The following KIAA1328 variants were observed in gnomAD, a reference collection of about 807,000 sequenced individuals.
KIAA1328 encodes the protein protein hinderin.
A neutral mutation model predicts 68.1 loss-of-function variants in KIAA1328; 52 were observed. That is an observed-to-expected ratio of 0.76 (90% confidence interval 0.61 to 0.96). The LOEUF is 0.96. KIAA1328 is among the 40% of genes least tolerant of loss of function. KIAA1328 has a pLI of 0.00. For synonymous variants in KIAA1328, 232 were observed against 239.4 expected, an observed-to-expected ratio of 0.97 and a Z score of 0.28; for missense variants, 641 against 677.6, an observed-to-expected ratio of 0.95 and a Z score of 0.60.
intron 4 of KIAA1328, among the ~76,000 whole-genome samples, chr18:36,854,518 T>C (rs2047321304): frequency 1.3e-5 from 2 of 152,228 alleles, no homozygotes; most frequent in Middle Eastern, 3.2e-3. Flanking sequence ...CTGTGAGTTA[T>C]TGTTTAATAT....
In KIAA1328 at chr18:36,871,675, C is replaced by T. The variant is rs142145162; in HGVS notation, c.333-13882C>T. 4.9e-3 allele frequency among the ~76,000 whole-genome samples: 743 copies of T among 151,926 alleles called. 7 individuals carry two copies. Among genetic ancestry groups the T allele is most frequent in the Non-Finnish European group, 8.9e-3 (605 of 67,976 alleles). ...GTAAAGAACATTGCTGCCAGTATTA[C>T]AATTTAAAAAGAAGGTGGAAGAGAC... On this transcript the variant is annotated intron_variant, in intron 4 of 9. Coordinates refer to ENST00000280020, the MANE Select transcript of KIAA1328 (RefSeq NM_020776.3).
chr18:37,092,533 A>C (rs1410443163), intron 7 of KIAA1328, among the ~76,000 whole-genome samples: 2 of 151,946 alleles, frequency 1.3e-5, no homozygotes, highest in Non-Finnish European at 2.9e-5. Context: ...CCTTGTGGGC[A>C]CCTGAGGATA....
intron 6 of KIAA1328, among the ~76,000 whole-genome samples, chr18:36,999,614 T>C (rs1023433084): frequency 2.0e-5 from 3 of 152,178 alleles, no homozygotes. Context: ...TGGGATGATA[T>C]ATTCCAAGGG....
chr18:36,884,642 A>G (rs2048437370), intron 4 of KIAA1328, among the ~76,000 whole-genome samples: 1 of 152,172 alleles, frequency 6.6e-6, no homozygotes, highest in Non-Finnish European at 1.5e-5. Flanking sequence ...CTCAAAGAAA[A>G]GGTTTAGATT....
intron 1 of KIAA1328, chr18:36,832,904 T>G (rs1389955697): frequency 6.6e-6 from 1 of 150,994 alleles, no homozygotes; most frequent in African/African-American, 2.4e-5. Flanking sequence ...TGGTGCCATC[T>G]CAGCTCACTG....
chr18:36,908,960 G>A (rs970488150), intron 5 of KIAA1328, among the ~76,000 whole-genome samples: 8 of 152,058 alleles, frequency 5.3e-5, no homozygotes, highest in Non-Finnish European at 1.5e-5. Flanking sequence ...GGCTTACTTA[G>A]TAGTGCCAGA....
chr18:36,844,331 T>G (rs1226804655), intron 4 of KIAA1328, 29 bp downstream of exon 4: 1 of 1,420,354 alleles, frequency 7.0e-7, no homozygotes. Context: ...TGAAATGATT[T>G]ATTATACAAA....
In KIAA1328 at chr18:37,223,276, C is replaced by A; in HGVS notation, c.*1049C>A. ...CTCTACTTGCCAGAGTATGTTCCAC[C>A]ACCCAAGCAGGGTCTCCCTACTTTT... On this transcript the variant is annotated 3_prime_UTR_variant, in exon 10 of 10. Transcript: ENST00000280020. 2 of 985,394 alleles carry A rather than the reference C, an allele frequency of 2.0e-6. No individual in the cohort carries two copies. The highest frequency in any genetic ancestry group is 2.4e-6 in the Non-Finnish European group (2 of 830,022). 61.0% of individuals were successfully genotyped at this position (985,394 alleles called of 1,614,324 possible). A position where few individuals can be genotyped will look rare whatever the true frequency, so the allele number is the denominator to read the frequency against.
At chr18:37,048,125 G>T (rs2055549272) in intron 6 of KIAA1328, among the ~76,000 whole-genome samples, 1 of 151,880 alleles carries the variant, frequency 6.6e-6, no homozygotes, top group Admixed American at 6.6e-5. Flanking sequence ...TTTCCCATTT[G>T]GTACTAGAGC....
intron 8 of KIAA1328, among the ~76,000 whole-genome samples, chr18:37,167,955 A>G (rs1305763697): frequency 6.6e-6 from 1 of 151,972 alleles, no homozygotes; most frequent in Non-Finnish European, 1.5e-5. Flanking sequence ...ATGAGTATGG[A>G]TGAAAATATA....
chr18:37,200,780 C>T (rs1003466792), intron 9 of KIAA1328, among the ~76,000 whole-genome samples: 4 of 149,044 alleles, frequency 2.7e-5, no homozygotes, highest in South Asian at 4.3e-4. Flanking sequence ...CACTGCAGTC[C>T]GCAGTCCGGC....
chr18:36,980,617 A>C (rs1417326048), intron 6 of KIAA1328, among the ~76,000 whole-genome samples: 1 of 152,120 alleles, frequency 6.6e-6, no homozygotes, highest in Non-Finnish European at 1.5e-5. Flanking sequence ...AAGTAATGAG[A>C]AGTACAATTA....
intron 5 of KIAA1328, among the ~76,000 whole-genome samples, chr18:36,945,518 A>G (rs2050868549): frequency 6.6e-6 from 1 of 152,182 alleles, no homozygotes; most frequent in Non-Finnish European, 1.5e-5. Context: ...TAACCTTAAG[A>G]TGATAACTGT....
At chr18:36,899,570 G>A (rs1475054679) in intron 5 of KIAA1328, among the ~76,000 whole-genome samples, 1 of 151,828 alleles carries the variant, frequency 6.6e-6, no homozygotes, top group South Asian at 2.1e-4. Flanking sequence ...TTGGACTGAC[G>A]TGGCAATTAT....
Position 37,223,130 on chromosome 18 carries a change from T to C in KIAA1328, c.*903T>C. On this transcript the variant is annotated 3_prime_UTR_variant, in exon 10 of 10. Transcript: ENST00000280020. ...ACGGAAAATGCCACTAGAGAGAGAG[T>C]GATGCAAGCTGCTGCAAAGCTGATG... 1.0e-6 allele frequency: 1 copy of C among 963,456 alleles called. No homozygotes were observed. Among genetic ancestry groups the C allele is most frequent in the Non-Finnish European group, 1.2e-6 (1 of 826,644 alleles). The allele number at this position is 963,456 out of a possible 1,614,324, so 59.7% of individuals were successfully genotyped here. A position where few individuals can be genotyped will look rare whatever the true frequency, so the allele number is the denominator to read the frequency against.
At chr18:37,020,118 ATTTCTTTTTTT>A (rs368931169) in intron 6 of KIAA1328, among the ~76,000 whole-genome samples, 46 of 151,826 alleles carry the variant, frequency 3.0e-4, no homozygotes, top group African/African-American at 1.0e-3. Context: ...AAACATAGGT[ATTTCTTTTTTT>A]TTTCTTTTTT....
At chr18:36,963,103 A>G (rs1360450658) in intron 6 of KIAA1328, among the ~76,000 whole-genome samples, 2 of 152,244 alleles carry the variant, frequency 1.3e-5, no homozygotes, top group African/African-American at 4.8e-5. Context: ...TTTGATCTGA[A>G]ATATTTTCTT....
intron 8 of KIAA1328, among the ~76,000 whole-genome samples, chr18:37,162,822 C>T (rs1503358): frequency 6.6e-6 from 1 of 151,844 alleles, no homozygotes; most frequent in Admixed American, 6.6e-5. Flanking sequence ...TTACCAGTAT[C>T]TTACTCCCTT....
intron 6 of KIAA1328, chr18:37,063,751 TGATTTTGTG>T: frequency 1.3e-6 from 1 of 771,002 alleles, no homozygotes; most frequent in Non-Finnish European, 1.6e-6. Context: ...TCCAAATACT[TGATTTTGTG>T]GATAATTTCA....
Sources: allele counts gnomAD v4.1 joint callset (sites outside exome capture counted in the v4.1 genomes callset), GRCh38; gene constraint gnomAD v4.1.1; transcripts MANE v1.5; gene names NCBI Gene and HGNC (gene_info 2026-07-23, HGNC 2026-07-21).